Variants in SEMA5A observed in about 807,000 individuals in gnomAD.
SEMA5A encodes the protein semaphorin 5A.
Under a neutral mutation model 135.5 loss-of-function variants are expected in SEMA5A, and 55 were observed. The observed-to-expected ratio is 0.41, with a 90% CI of 0.33 to 0.51. The LOEUF is 0.51. Ranked by LOEUF, SEMA5A falls within the 20% of genes least tolerant of loss-of-function variation. The probability of loss-of-function intolerance (pLI) is 0.37; values close to 1 mark genes in which losing one functional copy is unlikely to be tolerated. For synonymous variants in SEMA5A, 580 were observed against 546.5 expected (o/e 1.06, Z -0.85); for missense variants, 1,290 against 1,419.9 (o/e 0.91, Z 1.47).
In SEMA5A at chr5:9,066,542, C is replaced by T; in HGVS notation, c.2178G>A (p.Glu726=). The part of the protein sequence containing the change: ...VNISDNGGHY[E]QRFRYTCKAR... The stretch of plus-strand genomic sequence containing the variant: ...CTTTGCATGTGTATCGGAATCGTTG[C>T]TCATAGTGGCCGCCGTTGTCAGAGA... The change falls in exon 17 of 23, where the codon GAG becomes GAA. Residue 726 remains glutamate, a synonymous_variant. Coordinates refer to ENST00000382496, the MANE Select transcript of SEMA5A (RefSeq NM_003966.3). 1 of 1,614,160 alleles carries T rather than the reference C, an allele frequency of 6.2e-7. No homozygotes were observed. Among genetic ancestry groups the T allele is most frequent in the Non-Finnish European group, 8.5e-7 (1 of 1,180,022 alleles).
At chr5:9,534,630 C>T (rs1007771539) in intron 1 of SEMA5A, among the ~76,000 whole-genome samples, 8 of 151,816 alleles carry the variant, frequency 5.3e-5, no homozygotes, top group Middle Eastern at 3.2e-3. Flanking sequence ...TCTTGCACCT[C>T]GTGCAAGAAA....
intron 12 of SEMA5A, among the ~76,000 whole-genome samples, chr5:9,143,918 C>T (rs932145314): frequency 6.6e-6 from 1 of 152,216 alleles, no homozygotes; most frequent in Non-Finnish European, 1.5e-5. Flanking sequence ...GCAGCCTCTT[C>T]CATGGCTAGG....
At chr5:9,514,282 C>A (rs1736383579) in intron 1 of SEMA5A, among the ~76,000 whole-genome samples, 2 of 152,214 alleles carry the variant, frequency 1.3e-5, no homozygotes, top group South Asian at 4.1e-4. Flanking sequence ...AATAATCTCT[C>A]ACCTCAAGAC....
chr5:9,390,702 T>A (rs140840665), intron 2 of SEMA5A, among the ~76,000 whole-genome samples: 7 of 150,208 alleles, frequency 4.7e-5, no homozygotes, highest in African/African-American at 4.9e-5. Context: ...AAGTCAGACC[T>A]CTAGAGCACT....
intron 11 of SEMA5A, among the ~76,000 whole-genome samples, chr5:9,157,858 C>A (rs1165240203): frequency 6.6e-6 from 1 of 152,232 alleles, no homozygotes; most frequent in East Asian, 1.9e-4. Flanking sequence ...CCATAGATTT[C>A]TATTTGACAT....
At chr5:9,183,818 A>G (rs562671253) in intron 11 of SEMA5A, among the ~76,000 whole-genome samples, 209 of 152,338 alleles carry the variant, frequency 1.4e-3, no homozygotes, top group African/African-American at 4.9e-3. Context: ...GCTAGCAGCC[A>G]AGGTTGTCTG....
chr5:9,317,464 C>T (rs1752442286), intron 5 of SEMA5A, among the ~76,000 whole-genome samples: 1 of 152,086 alleles, frequency 6.6e-6, no homozygotes, highest in African/African-American at 2.4e-5. Flanking sequence ...TGCTTTTTAT[C>T]AATATTAGCT....
At chr5:9,071,713 G>A (rs566665880) in intron 16 of SEMA5A, among the ~76,000 whole-genome samples, 6 of 152,222 alleles carry the variant, frequency 3.9e-5, no homozygotes, top group Non-Finnish European at 7.4e-5. Context: ...CATGCTCAGA[G>A]TGAAGCCCAA....
At chr5:9,148,643 AG>A (rs1415507332) in intron 12 of SEMA5A, among the ~76,000 whole-genome samples, 1 of 152,184 alleles carries the variant, frequency 6.6e-6, no homozygotes, top group Non-Finnish European at 1.5e-5. Flanking sequence ...TAAAACTGCC[AG>A]GCTACAGCAT....
intron 5 of SEMA5A, among the ~76,000 whole-genome samples, chr5:9,279,404 A>G (rs1678574208): frequency 6.6e-6 from 1 of 152,152 alleles, no homozygotes; most frequent in Non-Finnish European, 1.5e-5. Flanking sequence ...TCATAGGTGG[A>G]AGGGACTTGG....
At chr5:9,297,702 A>G (rs545968348) in intron 5 of SEMA5A, among the ~76,000 whole-genome samples, 21 of 148,218 alleles carry the variant, frequency 1.4e-4, no homozygotes, top group African/African-American at 5.2e-4. Flanking sequence ...CTACAGGTAC[A>G]TGCCACCATG....
At chr5:9,468,711 T>TTTAC (rs1759358752) in intron 1 of SEMA5A, among the ~76,000 whole-genome samples, 1 of 152,176 alleles carries the variant, frequency 6.6e-6, no homozygotes, top group Non-Finnish European at 1.5e-5. Flanking sequence ...GTGGCATCCA[T>TTTAC]TTACTCGGCC....
chr5:9,415,768 C>G (rs1010138130), intron 2 of SEMA5A, among the ~76,000 whole-genome samples: 1 of 152,214 alleles, frequency 6.6e-6, no homozygotes, highest in Non-Finnish European at 1.5e-5. Context: ...TTGTAATTCA[C>G]TCACTGGTTT....
intron 4 of SEMA5A, among the ~76,000 whole-genome samples, chr5:9,321,014 A>T (rs1241877520): frequency 6.6e-6 from 1 of 152,092 alleles, no homozygotes; most frequent in Non-Finnish European, 1.5e-5. Context: ...CCATGTGTCC[A>T]GGGAGGGGCC....
chr5:9,360,924 C>T (rs935829385), intron 3 of SEMA5A, among the ~76,000 whole-genome samples: 5 of 152,088 alleles, frequency 3.3e-5, no homozygotes, highest in African/African-American at 7.2e-5. Flanking sequence ...GGATTAAAAA[C>T]ATAGTCATTC....
chr5:9,340,815 A>C (rs1377906328), intron 3 of SEMA5A, among the ~76,000 whole-genome samples: 1 of 152,168 alleles, frequency 6.6e-6, no homozygotes, highest in African/African-American at 2.4e-5. Context: ...CACTGATACC[A>C]AGAGAGCCTT....
chr5:9,289,966 A>G (rs1014473732), intron 5 of SEMA5A, among the ~76,000 whole-genome samples: 5 of 152,252 alleles, frequency 3.3e-5, no homozygotes, highest in Admixed American at 6.5e-5. Context: ...TAAGATTGTT[A>G]TTATAGTGAT....
At chr5:9,301,143 G>A (rs1184814274) in intron 5 of SEMA5A, among the ~76,000 whole-genome samples, 1 of 152,144 alleles carries the variant, frequency 6.6e-6, no homozygotes, top group Non-Finnish European at 1.5e-5. Context: ...CAAGCTAAGT[G>A]TTTCTCATGA....
intron 1 of SEMA5A, among the ~76,000 whole-genome samples, chr5:9,492,089 ATTC>A (rs1735042557): frequency 6.6e-6 from 1 of 152,214 alleles, no homozygotes; most frequent in African/African-American, 2.4e-5. Flanking sequence ...TGTATGACAC[ATTC>A]TTCTTGGAAC....
Sources: allele counts gnomAD v4.1 joint callset (sites outside exome capture counted in the v4.1 genomes callset), GRCh38; gene constraint gnomAD v4.1.1; transcripts MANE v1.5; gene names NCBI Gene and HGNC (gene_info 2026-07-23, HGNC 2026-07-21).